SEC24A: variants seen among roughly 807,000 people sequenced by gnomAD.
SEC24A encodes protein transport protein Sec24A.
A neutral mutation model predicts 129.4 loss-of-function variants in SEC24A; 93 were observed. The observed-to-expected ratio is 0.72, with a 90% CI of 0.61 to 0.85. The LOEUF (loss-of-function observed/expected upper bound fraction) is 0.85. Ranked by LOEUF, SEC24A falls within the 40% of genes least tolerant of loss-of-function variation. The pLI is 0.00. For synonymous variants in SEC24A, 460 were observed against 467.3 expected, an observed-to-expected ratio of 0.98 and a Z score of 0.20; for missense variants, 1,264 against 1,307.4, an observed-to-expected ratio of 0.97 and a Z score of 0.51.
chr5:134,723,752 AG>A, intron 22 of SEC24A, 82 bp downstream of exon 22: 1 of 769,852 alleles, frequency 1.3e-6, no homozygotes, highest in East Asian at 2.5e-5. Flanking sequence ...GCAAAAAAAA[AG>A]AAGAAAGAAA....
chr5:134,706,954 G>A (rs1752177721), intron 17 of SEC24A, among the ~76,000 whole-genome samples: 1 of 152,096 alleles, frequency 6.6e-6, no homozygotes, highest in South Asian at 2.1e-4. Flanking sequence ...CTCCCAAAGT[G>A]CTGGGATTAC....
intron 9 of SEC24A, among the ~76,000 whole-genome samples, chr5:134,684,584 A>G (rs1299334692): frequency 6.7e-6 from 1 of 150,342 alleles, no homozygotes; most frequent in East Asian, 2.0e-4. Context: ...GTGGTGACAT[A>G]CGCCTGTAAT....
intron 19 of SEC24A, 182 bp downstream of exon 19, chr5:134,715,343 C>T: frequency 2.0e-6 from 1 of 506,772 alleles, no homozygotes; most frequent in Non-Finnish European, 3.3e-6. Context: ...AAAAATAGTG[C>T]CTTTAAGTTT....
At position 134,675,037 on chromosome 5, in the gene SEC24A, ATCTGTAGAC is replaced by A. The variant is rs1751009689; in HGVS notation, c.979-5_982del. Reference sequence around the variant, plus strand: ...AAAGTTACTTACTTTAAAATTATGTATCTGTAGACTCCCTTAGGTGCTAATCATTTAACC... The same window carrying A: ...AAAGTTACTTACTTTAAAATTATGTATCCCTTAGGTGCTAATCATTTAACC... On this transcript the variant is annotated splice_acceptor_variant and splice_polypyrimidine_tract_variant and coding_sequence_variant and intron_variant, in exon 6 of 23. Transcript: ENST00000398844. LOFTEE classifies it high-confidence loss of function. The A allele has an allele frequency of 1.3e-6, 2 of 1,563,182 alleles. No individual in the cohort carries two copies. Among genetic ancestry groups the A allele is most frequent in the Non-Finnish European group, 1.7e-6 (2 of 1,151,640 alleles).
chr5:134,674,348 A>G (rs1021360962), intron 4 of SEC24A, among the ~76,000 whole-genome samples: 2 of 152,126 alleles, frequency 1.3e-5, no homozygotes, highest in Admixed American at 6.6e-5. Flanking sequence ...CAGCCTGGAC[A>G]ACATGGTGAA....
intron 14 of SEC24A, 75 bp from the exon 15 acceptor site, chr5:134,697,824 C>T: frequency 7.2e-7 from 1 of 1,386,522 alleles, no homozygotes. Context: ...AAGATTGATT[C>T]CAATGTCTTT....
In SEC24A at chr5:134,727,655, G is replaced by A. The variant is rs557257275; in HGVS notation, c.*2561G>A. On this transcript the variant is annotated 3_prime_UTR_variant, in exon 23 of 23. Coordinates refer to ENST00000398844, the MANE Select transcript of SEC24A (RefSeq NM_021982.3). ...TATATAGAAATTTTAATTTTGTAAA[G>A]TAGTGTATAATATTGTAATATTAAA... 3 of 152,484 alleles carry A rather than the reference G, an allele frequency of 2.0e-5. No homozygotes were observed. The highest frequency in any genetic ancestry group is 4.4e-5 in the Non-Finnish European group (3 of 68,014). The allele number at this position is 152,484 out of a possible 1,614,324, so 9.4% of individuals were successfully genotyped here.
chr5:134,671,323 G>A (rs1750851348), intron 3 of SEC24A, among the ~76,000 whole-genome samples: 1 of 152,154 alleles, frequency 6.6e-6, no homozygotes, highest in Non-Finnish European at 1.5e-5. Flanking sequence ...GCCTCCCAAA[G>A]TGCTGGGATT....
chr5:134,716,330 T>A (rs1752474779), intron 19 of SEC24A, among the ~76,000 whole-genome samples: 2 of 151,428 alleles, frequency 1.3e-5, no homozygotes, highest in Admixed American at 1.3e-4. Context: ...ATTGGCCAGC[T>A]CTGGTGGCGG....
chr5:134,711,563 CTTTTTT>C (rs11306983), intron 18 of SEC24A, among the ~76,000 whole-genome samples: 1 of 125,400 alleles, frequency 8.0e-6, no homozygotes, highest in African/African-American at 2.9e-5. Context: ...TGCTCTGCAT[CTTTTTT>C]TTTTTTTTTT....
intron 15 of SEC24A, among the ~76,000 whole-genome samples, chr5:134,699,426 G>A (rs1313576376): frequency 6.6e-6 from 1 of 151,608 alleles, no homozygotes; most frequent in Non-Finnish European, 1.5e-5. Flanking sequence ...AGCCTCCCAA[G>A]TAGCTGGGAC....
intron 4 of SEC24A, among the ~76,000 whole-genome samples, chr5:134,672,593 T>C (rs1750905798): frequency 6.6e-6 from 1 of 152,234 alleles, no homozygotes; most frequent in Non-Finnish European, 1.5e-5. Flanking sequence ...CCTCCCAAAG[T>C]GCTGGGATAA....
At chr5:134,711,563 CT>C (rs11306983) in intron 18 of SEC24A, among the ~76,000 whole-genome samples, 115,676 of 125,424 alleles carry the variant, frequency 0.92, 53,885 homozygotes, top group Non-Finnish European at 0.99. Flanking sequence ...TGCTCTGCAT[CT>C]TTTTTTTTTT....
chr5:134,713,349 C>A (rs1752386481), intron 18 of SEC24A, among the ~76,000 whole-genome samples: 1 of 151,950 alleles, frequency 6.6e-6, no homozygotes, highest in South Asian at 2.1e-4. Flanking sequence ...TATGCAGTAC[C>A]CCAATCCCAC....
intron 11 of SEC24A, among the ~76,000 whole-genome samples, chr5:134,691,627 C>T (rs565289433): frequency 4.0e-5 from 6 of 151,684 alleles, no homozygotes; most frequent in Admixed American, 6.6e-5. Flanking sequence ...CTCAGCCTCC[C>T]GAGTAGCTGG....
At chr5:134,651,529 A>G (rs997498470) in intron 1 of SEC24A, among the ~76,000 whole-genome samples, 10 of 150,926 alleles carry the variant, frequency 6.6e-5, no homozygotes, top group Non-Finnish European at 1.3e-4. Context: ...TCCAAACCTC[A>G]TAATGATCCG....
chr5:134,686,687 C>T, intron 9 of SEC24A, 103 bp from the exon 10 acceptor site: 1 of 593,324 alleles, frequency 1.7e-6, no homozygotes, highest in South Asian at 2.5e-5. Flanking sequence ...TCTACTCAAT[C>T]TGTAAATAAT....
intron 3 of SEC24A, among the ~76,000 whole-genome samples, chr5:134,670,573 G>A (rs564483056): frequency 3.3e-5 from 5 of 152,264 alleles, no homozygotes; most frequent in African/African-American, 1.2e-4. Context: ...GTATAATTTT[G>A]GGAGAAGAGA....
chr5:134,683,101 C>T (rs1043605922), intron 9 of SEC24A, among the ~76,000 whole-genome samples: 1 of 151,996 alleles, frequency 6.6e-6, no homozygotes, highest in African/African-American at 2.4e-5. Flanking sequence ...TGGCTCACTG[C>T]AACCTCCGCC....
Sources: allele counts gnomAD v4.1 joint callset (sites outside exome capture counted in the v4.1 genomes callset), GRCh38; gene constraint gnomAD v4.1.1; transcripts MANE v1.5; gene names NCBI Gene and HGNC (gene_info 2026-07-23, HGNC 2026-07-21).